ALDH1L1: variants seen among roughly 807,000 people sequenced by gnomAD.
The protein encoded by ALDH1L1 is cytosolic 10-formyltetrahydrofolate dehydrogenase.
A neutral mutation model predicts 101.1 loss-of-function variants in ALDH1L1; 68 were observed. The observed-to-expected ratio is 0.67, with a 90% confidence interval of 0.55 to 0.82. ALDH1L1 has a LOEUF of 0.82. Ranked by LOEUF, ALDH1L1 falls within the 40% of genes least tolerant of loss-of-function variation. The pLI, the probability that ALDH1L1 is intolerant of heterozygous loss-of-function variation, is 0.00. For missense variants in ALDH1L1, 1,087 were observed against 1,172.7 expected (o/e 0.93, Z 1.07); for synonymous variants, 486 against 470.8 (o/e 1.03, Z -0.42).
Position 126,135,629 on chromosome 3 carries a change from C to A in ALDH1L1, c.1378G>T (p.Asp460Tyr). 1 of 1,582,408 alleles carries A rather than the reference C, an allele frequency of 6.3e-7. No homozygotes were observed. Among genetic ancestry groups the A allele is most frequent in the South Asian group, 1.2e-5 (1 of 86,750 alleles). ...GCTGCGGCCACTGCCTTGTCGACGT[C>A]GGTGACTTGGGCCAGGGATACCTGG... ...ICQVSLAQVT[D>Y]VDKAVAAAKD... Residue 460 changes from aspartate to tyrosine, a missense_variant, in exon 12 of 23, where the codon GAC (aspartate) becomes TAC (tyrosine). This residue lies in a region of ALDH1L1 where 645 missense variants were observed against 637.0 expected (regional missense o/e 1.01). Coordinates refer to ENST00000393434, the MANE Select transcript of ALDH1L1 (RefSeq NM_012190.4).
chr3:126,168,611 T>C (rs1398304522), intron 1 of ALDH1L1, among the ~76,000 whole-genome samples: 1 of 152,160 alleles, frequency 6.6e-6, no homozygotes, highest in East Asian at 1.9e-4. Flanking sequence ...ATTTTAAACA[T>C]ATTTAACAGT....
chr3:126,110,877 C>T (rs553272523), intron 19 of ALDH1L1, among the ~76,000 whole-genome samples: 1 of 152,324 alleles, frequency 6.6e-6, no homozygotes, highest in East Asian at 1.9e-4. Context: ...GCCTACTGAG[C>T]CTCCTGAACA....
intron 1 of ALDH1L1, among the ~76,000 whole-genome samples, chr3:126,173,217 A>T (rs1163533323): frequency 6.6e-6 from 1 of 152,218 alleles, no homozygotes; most frequent in African/African-American, 2.4e-5. Flanking sequence ...GAGAGATAAC[A>T]ATTTGTTCAA....
intron 1 of ALDH1L1, among the ~76,000 whole-genome samples, chr3:126,172,922 TG>T (rs1467916906): frequency 6.6e-6 from 1 of 152,036 alleles, no homozygotes; most frequent in African/African-American, 2.4e-5. Context: ...TCATAAACCA[TG>T]CAATCAGGAA....
At chr3:126,187,371 C>T (rs574973513) in intron 1 of ALDH1L1, among the ~76,000 whole-genome samples, 9 of 152,106 alleles carry the variant, frequency 5.9e-5, no homozygotes, top group East Asian at 1.9e-4. Flanking sequence ...GCTAGATGGA[C>T]GGTGGGGTTT....
At chr3:126,161,934 G>GATATAT (rs34367231) in intron 1 of ALDH1L1, among the ~76,000 whole-genome samples, 10,393 of 150,452 alleles carry the variant, frequency 0.069, 465 homozygotes, top group African/African-American at 0.12. Context: ...GGTTTCGCTT[G>GATATAT]ATATATATAT....
intron 1 of ALDH1L1, 137 bp downstream of exon 1, chr3:126,180,339 T>C (rs546541646): frequency 1.5e-4 from 90 of 618,046 alleles, no homozygotes; most frequent in African/African-American, 9.8e-4. Context: ...AGCGGCGAAG[T>C]TGATGGGCCC....
intron 22 of ALDH1L1, chr3:126,104,705 C>T (rs1460633518): frequency 1.3e-5 from 2 of 152,420 alleles, no homozygotes; most frequent in African/African-American, 4.8e-5. Flanking sequence ...GAGTCCAGCC[C>T]TGTGGGCACA....
intron 17 of ALDH1L1, 93 bp downstream of exon 17, chr3:126,117,912 C>T: frequency 7.9e-7 from 1 of 1,270,064 alleles, no homozygotes; most frequent in Non-Finnish European, 1.1e-6. Flanking sequence ...GCCCTGGAGC[C>T]TGGGAAGCAG....
intron 7 of ALDH1L1, chr3:126,152,949 T>C: frequency 4.1e-6 from 1 of 244,334 alleles, no homozygotes; most frequent in Non-Finnish European, 8.0e-6. Context: ...TGTTTGCTGG[T>C]ACCGTGAGTT....
chr3:126,134,114 G>A (rs2080371468), intron 12 of ALDH1L1, among the ~76,000 whole-genome samples: 1 of 152,192 alleles, frequency 6.6e-6, no homozygotes, highest in African/African-American at 2.4e-5. Flanking sequence ...GTGCTCTGCA[G>A]CCATTTATCT....
At chr3:126,170,460 C>T (rs1278765680) in intron 1 of ALDH1L1, among the ~76,000 whole-genome samples, 1 of 148,274 alleles carries the variant, frequency 6.7e-6, no homozygotes, top group East Asian at 2.0e-4. Flanking sequence ...TCTGTCTCAA[C>T]CAGTCGGGCC....
At chr3:126,163,532 T>C (rs541624891) in intron 1 of ALDH1L1, among the ~76,000 whole-genome samples, 1 of 152,228 alleles carries the variant, frequency 6.6e-6, no homozygotes, top group Non-Finnish European at 1.5e-5. Flanking sequence ...GAAGAAACCA[T>C]TCAATATTTG....
chr3:126,109,688 C>T (rs939592541), intron 20 of ALDH1L1, among the ~76,000 whole-genome samples: 3 of 151,312 alleles, frequency 2.0e-5, no homozygotes, highest in African/African-American at 7.4e-5. Context: ...GTCAAGGCTG[C>T]GGTGACAGTA....
chr3:126,182,965 GAACCAT>G (rs1392419215), upstream of ALDH1L1, among the ~76,000 whole-genome samples: 7 of 152,124 alleles, frequency 4.6e-5, no homozygotes, highest in Non-Finnish European at 7.4e-5. Flanking sequence ...AAATAAAAAG[GAACCAT>G]AACTTGGGCT....
At chr3:126,141,729 G>A (rs939567725) in intron 9 of ALDH1L1, among the ~76,000 whole-genome samples, 19 of 151,962 alleles carry the variant, frequency 1.3e-4, no homozygotes, top group Non-Finnish European at 2.8e-4. Flanking sequence ...GTTTACAGGT[G>A]TAAATACATA....
intron 19 of ALDH1L1, 24 bp from the exon 20 acceptor site, chr3:126,110,133 G>A (rs746670036): frequency 3.1e-6 from 5 of 1,612,510 alleles, no homozygotes; most frequent in Non-Finnish European, 4.2e-6. Context: ...TCCAAGTCAG[G>A]TGTGGCTTGT....
intron 1 of ALDH1L1, among the ~76,000 whole-genome samples, chr3:126,188,969 A>T (rs1407870142): frequency 6.6e-6 from 1 of 152,138 alleles, no homozygotes; most frequent in Non-Finnish European, 1.5e-5. Context: ...GAGTCTGTAC[A>T]GTACCCGACG....
At chr3:126,121,025 A>C (rs1479903345) in intron 16 of ALDH1L1, among the ~76,000 whole-genome samples, 1 of 152,198 alleles carries the variant, frequency 6.6e-6, no homozygotes, top group Non-Finnish European at 1.5e-5. Flanking sequence ...AGGTAAAATT[A>C]GTTAAGATGA....
Sources: allele counts gnomAD v4.1 joint callset (sites outside exome capture counted in the v4.1 genomes callset), GRCh38; gene constraint gnomAD v4.1.1; regional missense constraint gnomAD v4.1.1; transcripts MANE v1.5; gene names NCBI Gene and HGNC (gene_info 2026-07-23, HGNC 2026-07-21).